The following EPB42 variants were observed in gnomAD, a reference collection of about 807,000 sequenced individuals.
EPB42 encodes the protein protein 4.2.
EPB42 carries 49 observed loss-of-function variants against 76.9 expected under a neutral mutation model. The observed-to-expected ratio is 0.64, with a 90% confidence interval of 0.51 to 0.81. EPB42 has a LOEUF of 0.81. Ranked by LOEUF, EPB42 falls within the 30% of genes least tolerant of loss-of-function variation. EPB42 has a pLI of 0.00. For missense variants in EPB42, 731 were observed against 867.6 expected (o/e 0.84, Z 1.98); for synonymous variants, 310 against 338.4 (o/e 0.92, Z 0.92).
rs545717740 is a variant in EPB42 at position 43,214,005 on chromosome 15, G to A, written c.430+1090C>T. Among the ~76,000 whole-genome samples the A allele has an allele frequency of 3.9e-4, 59 of 152,324 alleles. No individual in the cohort carries two copies. The Middle Eastern group carries it at 0.01, about 26-fold the overall frequency. On this transcript the variant is annotated intron_variant, in intron 3 of 12. Coordinates refer to ENST00000441366, the MANE Select transcript of EPB42 (RefSeq NM_001114134.2). ...GGTTCTTCCACCTCCCCATGTTTCC[G>A]TCAGTTTCCCAGCCCTGCCTTGCCA...
At chr15:43,212,010 TG>T (rs943810341) in intron 3 of EPB42, among the ~76,000 whole-genome samples, 5 of 151,552 alleles carry the variant, frequency 3.3e-5, no homozygotes, top group African/African-American at 1.2e-4. Flanking sequence ...GAGGTTGCAA[TG>T]AGCTATGATG....
rs923669151 is a variant in EPB42, at chr15:43,206,713, A to C, written c.1319-84T>G. ...AAAACCCTGGGAATCAAAACCATTT[A>C]CCCACTTCTGCTCAAATGCCAAAGT... On this transcript the variant is annotated intron_variant, in intron 9 of 12. Transcript: ENST00000441366. The surrounding 1 kb of genome is among the most constrained non-coding windows in gnomAD (Gnocchi z 4.7). 6.6e-7 allele frequency: 1 copy of C among 1,517,848 alleles called. No individual in the cohort carries two copies. The allele number at this position is 1,517,848 out of a possible 1,614,324, so 94.0% of individuals were successfully genotyped here. A position where few individuals can be genotyped will look rare whatever the true frequency, so the allele number is the denominator to read the frequency against.
upstream of EPB42, among the ~76,000 whole-genome samples, chr15:43,221,935 G>C (rs575236778): frequency 2.2e-4 from 33 of 152,058 alleles, no homozygotes; most frequent in South Asian, 6.6e-3. Flanking sequence ...CTGAGGTCAG[G>C]AGTTCGAGAC....
chr15:43,200,635 G>A (rs1272158724), intron 12 of EPB42, among the ~76,000 whole-genome samples: 6 of 152,122 alleles, frequency 3.9e-5, no homozygotes, highest in Non-Finnish European at 5.9e-5. Context: ...GGAAGAAAAT[G>A]TTAATAGCTG....
At chr15:43,207,167 C>T (rs376201839) in intron 9 of EPB42, 32 bp downstream of exon 9, 21 of 1,613,480 alleles carry the variant, frequency 1.3e-5, no homozygotes, top group Admixed American at 6.7e-5. Flanking sequence ...TTTCAGGTAC[C>T]GAGAAGCCTG....
At chr15:43,212,884 A>G (rs1227853606) in intron 3 of EPB42, among the ~76,000 whole-genome samples, 1 of 152,148 alleles carries the variant, frequency 6.6e-6, no homozygotes, top group Non-Finnish European at 1.5e-5. Context: ...GTTTCTGGGG[A>G]CTACAGAGAG....
chr15:43,212,356 T>G (rs1596414124), intron 3 of EPB42, among the ~76,000 whole-genome samples: 1 of 107,858 alleles, frequency 9.3e-6, no homozygotes. Context: ...GCAACAAGAG[T>G]GAAACTCCGT....
chr15:43,217,259 ACT>A (rs751489464), intron 1 of EPB42, among the ~76,000 whole-genome samples: 3 of 148,858 alleles, frequency 2.0e-5, no homozygotes, highest in East Asian at 2.0e-4. Context: ...CTCCTCCTTC[ACT>A]CTCTCTCTCT....
At chr15:43,197,511 G>T (rs774507034) in intron 12 of EPB42, 47 bp from the exon 13 acceptor site, 1 of 1,609,472 alleles carries the variant, frequency 6.2e-7, no homozygotes, top group East Asian at 2.2e-5. Flanking sequence ...CAGGTTCATT[G>T]CTCTGCTGGT....
intron 9 of EPB42, 88 bp downstream of exon 9, chr15:43,207,111 C>CAGAA (rs1245302938): frequency 2.1e-5 from 33 of 1,587,756 alleles, no homozygotes; most frequent in Non-Finnish European, 2.7e-5. Flanking sequence ...GGACAAGTCT[C>CAGAA]TTTCTGGCTG....
chr15:43,204,234 G>C (rs1039314877), intron 10 of EPB42, among the ~76,000 whole-genome samples: 6 of 152,096 alleles, frequency 3.9e-5, no homozygotes, highest in Non-Finnish European at 7.4e-5. Context: ...TTTCAGCCTT[G>C]ACACCTCGTG....
upstream of EPB42, among the ~76,000 whole-genome samples, chr15:43,224,126 G>A (rs1480871789): frequency 6.6e-6 from 1 of 152,110 alleles, no homozygotes; most frequent in Non-Finnish European, 1.5e-5. Context: ...TCAAGATCAG[G>A]GCCTTTAGGC....
chr15:43,211,648 C>T (rs2042298891), intron 3 of EPB42, 114 bp from the exon 4 acceptor site: 2 of 785,658 alleles, frequency 2.5e-6, no homozygotes. Flanking sequence ...ACCCCGTCAG[C>T]TCTGGGCCTA....
At chr15:43,224,234 A>G, upstream of EPB42, among the ~76,000 whole-genome samples, 1 of 152,174 alleles carries the variant, frequency 6.6e-6, no homozygotes, top group Non-Finnish European at 1.5e-5. Flanking sequence ...TCGTCTTCTT[A>G]TAAGGACATC....
intron 1 of EPB42, among the ~76,000 whole-genome samples, chr15:43,216,753 CG>C (rs1208809621): frequency 6.6e-6 from 1 of 152,132 alleles, no homozygotes; most frequent in Non-Finnish European, 1.5e-5. Context: ...TTAATAAGTG[CG>C]TTGCTTACTC....
intron 2 of EPB42, among the ~76,000 whole-genome samples, chr15:43,215,676 G>A (rs905845480): frequency 7.2e-5 from 11 of 152,192 alleles, no homozygotes; most frequent in African/African-American, 2.4e-4. Context: ...GCCTGGGTTC[G>A]ATTCCATCCA....
At chr15:43,221,298 G>A (rs888568546), upstream of EPB42, among the ~76,000 whole-genome samples, 1 of 152,212 alleles carries the variant, frequency 6.6e-6, no homozygotes, top group Non-Finnish European at 1.5e-5. Context: ...CAAATCTCAG[G>A]CCCTAAACGT....
In EPB42 at chr15:43,201,871, C is replaced by T. The variant is rs1332581211; in HGVS notation, c.1886G>A (p.Gly629Glu). The T allele has an allele frequency of 1.2e-6, 2 of 1,614,190 alleles. No individual in the cohort carries two copies. The highest frequency in any genetic ancestry group is 1.7e-6 in the Non-Finnish European group (2 of 1,180,034). Residue 629 changes from glycine (G) to glutamate (E), a missense_variant, in exon 12 of 13, where the codon GGG becomes GAG. Transcript: ENST00000441366. ...EDCVISILGR[G>E]LIHRERSYRF... is the part of the protein sequence containing the mutation. ...GTAGCTCCTCTCTCTGTGAATGAGC[C>T]CCCTTCCCAGGATGGAGATCACACA...
At chr15:43,225,187 T>C (rs2042497246), upstream of EPB42, among the ~76,000 whole-genome samples, 1 of 152,256 alleles carries the variant, frequency 6.6e-6, no homozygotes, top group Non-Finnish European at 1.5e-5. Context: ...TGCTTGTGTT[T>C]ATATAGACTA....
Sources: gnomAD v4.1 joint callset for allele counts (sites outside exome capture counted in the v4.1 genomes callset) on GRCh38, gnomAD v4.1.1 for gene constraint, Gnocchi (gnomAD v3.1) non-coding constraint, MANE v1.5 for transcripts, NCBI Gene and HGNC (gene_info 2026-07-23, HGNC 2026-07-21) for gene names.